The following PLXNB2 variants were observed in gnomAD, a reference collection of about 807,000 sequenced individuals.
PLXNB2 encodes the protein plexin B2.
In PLXNB2, 85 loss-of-function variants were observed where a neutral mutation model predicts 202.6. That is an observed-to-expected ratio of 0.42 (90% CI 0.35 to 0.50). The LOEUF is 0.50. PLXNB2 is among the 20% of genes least tolerant of loss of function. The pLI is 0.02. For missense variants in PLXNB2, 2,063 were observed against 2,586.2 expected (o/e 0.80, Z 4.39); for synonymous variants, 1,239 against 1,137.6 (o/e 1.09, Z -1.79).
chr22:50,278,212 C>A lies in PLXNB2; in HGVS notation c.4792G>T (p.Val1598Leu), dbSNP rs2065747702. The A allele has an allele frequency of 6.2e-7, 1 of 1,609,566 alleles. No homozygotes were observed. The highest frequency in any genetic ancestry group is 8.5e-7 in the Non-Finnish European group (1 of 1,179,932). The change falls in exon 31 of 37, where the codon GTG (valine) becomes TTG (leucine). Residue 1598 changes from valine to leucine, a missense_variant. Transcript: ENST00000359337. Reference protein sequence around the residue: ...VWHLVRPTDEVDEGKSKRGSV... With the variant: ...VWHLVRPTDELDEGKSKRGSV... ...CCTCTCTTGGACTTGCCCTCGTCCACCTCGTCGGTCGGCCGCACCAGGTGC... is the reference window on the plus strand; with the variant it reads ...CCTCTCTTGGACTTGCCCTCGTCCAACTCGTCGGTCGGCCGCACCAGGTGC...
intron 1 of PLXNB2, among the ~76,000 whole-genome samples, chr22:50,296,938 G>A (rs2067319780): frequency 6.6e-6 from 1 of 152,220 alleles, no homozygotes; most frequent in South Asian, 2.1e-4. Context: ...CTACCCTGCT[G>A]CACAGGTAAG....
chr22:50,281,937 C>T lies in PLXNB2; in HGVS notation c.3262G>A (p.Ala1088Thr), dbSNP rs373329714. The T allele has an allele frequency of 9.9e-6, 16 of 1,612,998 alleles. No individual in the cohort carries two copies. In the African/African-American group the frequency reaches 1.6e-4, roughly 16 times the overall value. Residue 1088 changes from alanine to threonine, a missense_variant, in exon 20 of 37, where the codon GCC (alanine) becomes ACC (threonine). By Grantham distance (58) the Ala-to-Thr change is moderately conservative (BLOSUM62 0). This residue lies in a region of PLXNB2 where 760 missense variants were observed against 1,109.4 expected (regional missense o/e 0.69). Coordinates refer to ENST00000359337, the MANE Select transcript of PLXNB2 (RefSeq NM_012401.4). Reference protein sequence around the residue: ...HRALLRTEAGAFEYVPDPTFE... With the variant: ...HRALLRTEAGTFEYVPDPTFE... Reference sequence around the variant, plus strand: ...GTGGGGTCAGGCACGTACTCGAAGGCCCCGGCCTCTGTTCTGAGCAGGGCA... The same window carrying T: ...GTGGGGTCAGGCACGTACTCGAAGGTCCCGGCCTCTGTTCTGAGCAGGGCA...
intron 1 of PLXNB2, among the ~76,000 whole-genome samples, chr22:50,305,040 C>T (rs923900020): frequency 2.6e-5 from 4 of 152,198 alleles, no homozygotes; most frequent in Non-Finnish European, 5.9e-5. Flanking sequence ...AGGCAGCCCT[C>T]GTGGCAGAGG....
intron 2 of PLXNB2, among the ~76,000 whole-genome samples, chr22:50,290,895 C>A: frequency 6.6e-6 from 1 of 152,180 alleles, no homozygotes; most frequent in East Asian, 1.9e-4. Context: ...CAGGCCTATC[C>A]CCGAGGCAAG....
chr22:50,286,000 C>G lies in PLXNB2; in HGVS notation c.1976G>C (p.Arg659Pro). Residue 659 changes from arginine to proline, a missense_variant, in exon 10 of 37, where the codon CGT becomes CCT. This residue lies in a region of PLXNB2 where 1,303 missense variants were observed against 1,476.8 expected (regional missense o/e 0.88). Transcript: ENST00000359337. ...CCCGAGGCCCCTCACCATGTGGGCACGGACGATGCCGTCCTCAGGGTTGGG... is the reference window on the plus strand; with the variant it reads ...CCCGAGGCCCCTCACCATGTGGGCAGGGACGATGCCGTCCTCAGGGTTGGG... ...ASPNPEDGIV[R>P]AHMEDSCPQF... is the part of the protein sequence containing the mutation. 6.2e-7 allele frequency: 1 copy of G among 1,612,268 alleles called. No homozygotes were observed.
chr22:50,280,702 C>T lies in PLXNB2; in HGVS notation c.3994-32G>A, dbSNP rs373666161. The T allele has an allele frequency of 1.1e-4, 182 of 1,592,906 alleles. 1 individual carries two copies. The highest frequency in any genetic ancestry group is 9.4e-5 in the African/African-American group (7 of 74,558). ...GGGCCGGCGGTCAAAGCCTGCCCGG[C>T]GCCACCTGTGTGCCCTCCCGCCCGC... is the stretch of plus-strand genomic sequence containing the variant. On this transcript the variant is annotated intron_variant, in intron 24 of 36. Transcript: ENST00000359337.
At position 50,275,413 on chromosome 22, in the gene PLXNB2, C is replaced by T. The variant is rs771876660; in HGVS notation, c.*291G>A. 5 of 524,548 alleles carry T rather than the reference C, an allele frequency of 9.5e-6. No homozygotes were observed. The highest frequency in any genetic ancestry group is 2.3e-5 in the Admixed American group (1 of 44,342). The allele number at this position is 524,548 out of a possible 1,614,324, so 32.5% of individuals were successfully genotyped here. A position where few individuals can be genotyped will look rare whatever the true frequency, so the allele number is the denominator to read the frequency against. On this transcript the variant is annotated 3_prime_UTR_variant, in exon 37 of 37. Coordinates refer to ENST00000359337, the MANE Select transcript of PLXNB2 (RefSeq NM_012401.4). ...AGGCCAGCTGCCCCCAGCGTGGCAGCGTAAGGCACATTTTCAAATCACTGG... is the reference window on the plus strand; with the variant it reads ...AGGCCAGCTGCCCCCAGCGTGGCAGTGTAAGGCACATTTTCAAATCACTGG...
chr22:50,290,534 A>T lies in PLXNB2; in HGVS notation c.51T>A (p.Gly17=). The change falls in exon 3 of 37, where the codon GGT becomes GGA. Residue 17 remains glycine, a synonymous_variant. Transcript: ENST00000359337. ...ALTLLGLLGA[G]ASLRPRKLDF... ...CCAGCTTGCGGGGCCTCAGGCTGGC[A>T]CCTGCGCCCAGCAGGCCCAGCAGGG... 1 of 1,612,052 alleles carries T rather than the reference A, an allele frequency of 6.2e-7. No homozygotes were observed. Among genetic ancestry groups the T allele is most frequent in the Non-Finnish European group, 8.5e-7 (1 of 1,179,884 alleles).
rs1369578026 is a variant in PLXNB2 at position 50,288,528 on chromosome 22, C to T, written c.1380+215G>A. On this transcript the variant is annotated intron_variant, in intron 5 of 36. Coordinates refer to ENST00000359337, the MANE Select transcript of PLXNB2 (RefSeq NM_012401.4). This position sits in a 1 kb window ranked among gnomAD's most constrained non-coding sequence, Gnocchi z 5.0. Reference sequence around the variant, plus strand: ...CATGGTTGAGACCACAAAGGACAAACAGAAGGAGCGGCAGAGACGGGGCAG... The same window carrying T: ...CATGGTTGAGACCACAAAGGACAAATAGAAGGAGCGGCAGAGACGGGGCAG... 6.6e-6 allele frequency among the ~76,000 whole-genome samples: 1 copy of T among 152,022 alleles called. No individual in the cohort carries two copies. Among genetic ancestry groups the T allele is most frequent in the African/African-American group, 2.4e-5 (1 of 41,398 alleles).
intron 1 of PLXNB2, among the ~76,000 whole-genome samples, chr22:50,296,468 C>T (rs530505118): frequency 3.3e-5 from 5 of 151,246 alleles, no homozygotes; most frequent in African/African-American, 4.9e-5. Context: ...GAGCCAGGCA[C>T]GGTGGCTCAC....
intron 27 of PLXNB2, 141 bp from the exon 28 acceptor site, chr22:50,279,152 C>T (rs959656870): frequency 1.2e-6 from 1 of 820,722 alleles, no homozygotes; most frequent in Non-Finnish European, 1.9e-6. Context: ...GGCTCCGAGC[C>T]CCCGAGGCTT....
chr22:50,307,453 G>A (rs2067931271), intron 1 of PLXNB2, 100 bp downstream of exon 1: 4 of 648,454 alleles, frequency 6.2e-6, no homozygotes, highest in Non-Finnish European at 7.7e-6. Flanking sequence ...CAGGTCCCCG[G>A]GCCCCAGCGC....
At position 50,284,984 on chromosome 22, in the gene PLXNB2, C is replaced by T; in HGVS notation, c.2089-319G>A. The T allele has an allele frequency of 8.2e-6, 4 of 489,026 alleles. No individual in the cohort carries two copies. The highest frequency in any genetic ancestry group is 1.2e-5 in the Non-Finnish European group (3 of 245,646). The allele number at this position is 489,026 out of a possible 1,614,324, so 30.3% of individuals were successfully genotyped here. ...CCCTCCTCAGGAGGTGGCACTGGCC[C>T]CTCAATCTCCACACGCCTGCCTCCT... On this transcript the variant is annotated intron_variant, in intron 11 of 36. Transcript: ENST00000359337. The surrounding 1 kb of genome is among the most constrained non-coding windows in gnomAD (Gnocchi z 8.0).
At chr22:50,298,195 A>G (rs1172733904) in intron 1 of PLXNB2, among the ~76,000 whole-genome samples, 1 of 152,246 alleles carries the variant, frequency 6.6e-6, no homozygotes, top group Non-Finnish European at 1.5e-5. Flanking sequence ...CTGTCCCCGC[A>G]GGTCACCCCC....
rs1237829627 is a variant in PLXNB2, at chr22:50,284,187, C to T, written c.2208G>A (p.Leu736=). 1.2e-6 allele frequency: 2 copies of T among 1,612,258 alleles called. No individual in the cohort carries two copies. The highest frequency in any genetic ancestry group is 1.7e-6 in the Non-Finnish European group (2 of 1,179,520). ...AAGACTTGACGTAGAGGTGCAGGGG[C>T]AGCGTCTCGTTGGCATCGTGGGACA... ...PKLSHDANET[L]PLHLYVKSYG... Residue 736 remains leucine (L), a synonymous_variant, in exon 13 of 37, where the codon CTG becomes CTA. Transcript: ENST00000359337. This position sits in a 1 kb window ranked among gnomAD's most constrained non-coding sequence, Gnocchi z 8.0.
chr22:50,294,789 A>G lies in PLXNB2; in HGVS notation c.-73-11T>C. 1 of 985,118 alleles carries G rather than the reference A, an allele frequency of 1.0e-6. No homozygotes were observed. Among genetic ancestry groups the G allele is most frequent in the Non-Finnish European group, 1.2e-6 (1 of 829,628 alleles). The allele number at this position is 985,118 out of a possible 1,614,324, so 61.0% of individuals were successfully genotyped here. On this transcript the variant is annotated splice_polypyrimidine_tract_variant and intron_variant, in intron 1 of 36. Coordinates refer to ENST00000359337, the MANE Select transcript of PLXNB2 (RefSeq NM_012401.4). Reference sequence around the variant, plus strand: ...CAGCATCGAGATTCTCTAGGAGGCAAAGGAGAGACGCCGGTCACAAGAGGA... The same window carrying G: ...CAGCATCGAGATTCTCTAGGAGGCAGAGGAGAGACGCCGGTCACAAGAGGA...
Position 50,290,162 on chromosome 22 carries a change from C to T in PLXNB2, c.423G>A (p.Lys141=). ...RLFYEDGSGE[K]SFVASNDEGV... is the part of the protein sequence containing the mutation. ...CCTCATCATTGCTGGCCACGAAAGA[C>T]TTCTCCCCGCTGCCGTCCTCGTAGA... is the stretch of plus-strand genomic sequence containing the variant. The change falls in exon 3 of 37, where the codon AAG becomes AAA. Residue 141 remains lysine (K), a synonymous_variant. Transcript: ENST00000359337. The T allele has an allele frequency of 6.2e-7, 1 of 1,612,912 alleles. No homozygotes were observed. The highest frequency in any genetic ancestry group is 8.5e-7 in the Non-Finnish European group (1 of 1,179,992).
At chr22:50,293,519 C>T (rs888378269) in intron 2 of PLXNB2, among the ~76,000 whole-genome samples, 1 of 152,108 alleles carries the variant, frequency 6.6e-6, no homozygotes, top group South Asian at 2.1e-4. Flanking sequence ...GCTCACCCGG[C>T]CCAGCTCGCT....
intron 17 of PLXNB2, 37 bp downstream of exon 17, chr22:50,283,013 G>C (rs1290130683): frequency 6.3e-7 from 1 of 1,590,884 alleles, no homozygotes; most frequent in Non-Finnish European, 8.6e-7. Context: ...CCCAGGGCCA[G>C]GGCCAACCAG....
Sources: gnomAD v4.1 joint callset for allele counts (sites outside exome capture counted in the v4.1 genomes callset) on GRCh38, gnomAD v4.1.1 for gene constraint, gnomAD v4.1.1 regional missense constraint, Gnocchi (gnomAD v3.1) non-coding constraint, MANE v1.5 for transcripts, NCBI Gene and HGNC (gene_info 2026-07-23, HGNC 2026-07-21) for gene names.